The following WNT8A variants were observed in gnomAD, a reference collection of about 807,000 sequenced individuals.
WNT8A encodes the protein protein Wnt-8a.
In WNT8A, 14 loss-of-function variants were observed where a neutral mutation model predicts 20.5. The observed-to-expected ratio is 0.68, with a 90% CI of 0.45 to 1.07. The LOEUF is 1.07. WNT8A is among the 50% of genes least tolerant of loss of function. WNT8A has a pLI of 0.00. For missense variants in WNT8A, 397 were observed against 462.9 expected (o/e 0.86, Z 1.31); for synonymous variants, 167 against 169.2 (o/e 0.99, Z 0.10).
In WNT8A at chr5:138,090,987, T is replaced by C. The variant is rs888550398; in HGVS notation, c.1024T>C (p.Cys342Arg). ...CKFQWCCTVK[C>R]DQCRHVVSKY... ...ATTCCAGTGGTGCTGTACGGTCAAG[T>C]GTGACCAGTGTAGGCATGTGGTGAG... is the stretch of plus-strand genomic sequence containing the variant. Residue 342 changes from cysteine to arginine, a missense_variant, in exon 5 of 5, where the codon TGT (cysteine) becomes CGT (arginine). Physicochemically the swap from Cys to Arg is radical, Grantham distance 180. Transcript: ENST00000506684. 14 of 1,614,046 alleles carry C rather than the reference T, an allele frequency of 8.7e-6. No homozygotes were observed. Among genetic ancestry groups the C allele is most frequent in the Non-Finnish European group, 1.2e-5 (14 of 1,180,030 alleles).
the WNT8A span, among the ~76,000 whole-genome samples, chr5:138,077,877 A>G: frequency 6.6e-6 from 1 of 152,206 alleles, no homozygotes; most frequent in Non-Finnish European, 1.5e-5. Flanking sequence ...GATTGATGAA[A>G]GAAACATACT....
At chr5:138,092,143 G>A (rs1375621876), downstream of WNT8A, 1 of 152,108 alleles carries the variant, frequency 6.6e-6, no homozygotes, top group African/African-American at 2.4e-5. Flanking sequence ...ATATCCAGCT[G>A]GGACTTCTAT....
At chr5:138,085,459 C>T (rs902070779) in intron 2 of WNT8A, among the ~76,000 whole-genome samples, 2 of 152,094 alleles carry the variant, frequency 1.3e-5, no homozygotes, top group Non-Finnish European at 2.9e-5. Flanking sequence ...TGGGTGTGCA[C>T]GTGCACCCAT....
Position 138,089,061 on chromosome 5 carries a change from G to A in WNT8A, c.556G>A (p.Gly186Ser), listed in dbSNP as rs753649503. Residue 186 changes from glycine (G) to serine (S), a missense_variant, in exon 4 of 5, where the codon GGC becomes AGC. Physicochemically the swap from Gly to Ser is moderately conservative, Grantham distance 56. Coordinates refer to ENST00000506684, the MANE Select transcript of WNT8A (RefSeq NM_001300939.2). ...ALMNLHNNRAGRLAVRATMKR... is the reference protein window; with the variant it reads ...ALMNLHNNRASRLAVRATMKR... Reference sequence around the variant, plus strand: ...GATGAATCTTCACAACAACAGGGCCGGCAGACTGGTGGGTATAGGCATTGT... The same window carrying A: ...GATGAATCTTCACAACAACAGGGCCAGCAGACTGGTGGGTATAGGCATTGT... 2.5e-5 allele frequency: 41 copies of A among 1,613,028 alleles called. No homozygotes were observed. The East Asian group carries it at 2.9e-4, about 11-fold the overall frequency.
intron 3 of WNT8A, 126 bp from the exon 4 acceptor site, chr5:138,088,801 C>T: frequency 7.6e-7 from 1 of 1,321,940 alleles, no homozygotes. Context: ...CCACCCCAAG[C>T]ACCTCCATTT....
At chr5:138,083,179 G>C (rs1172343686), upstream of WNT8A, among the ~76,000 whole-genome samples, 1 of 151,844 alleles carries the variant, frequency 6.6e-6, no homozygotes, top group Non-Finnish European at 1.5e-5. Context: ...TACTTGGGAG[G>C]CTGAGGTAGG....
chr5:138,084,098 C>A lies in WNT8A; in HGVS notation c.-30C>A, dbSNP rs779233057. ...CTGGGGTAGGCAGGGCGATGGGGAA[C>A]CTGTTTATGCTCTGGGCAGCTCTGG... On this transcript the variant is annotated 5_prime_UTR_variant, in exon 1 of 5. Transcript: ENST00000506684. 20 of 1,612,790 alleles carry A rather than the reference C, an allele frequency of 1.2e-5. No individual in the cohort carries two copies. Among genetic ancestry groups the A allele is most frequent in the Middle Eastern group, 1.6e-4 (1 of 6,062 alleles).
At chr5:138,085,152 C>T (rs1328891531) in intron 2 of WNT8A, among the ~76,000 whole-genome samples, 1 of 152,178 alleles carries the variant, frequency 6.6e-6, no homozygotes, top group African/African-American at 2.4e-5. Context: ...CCAGGCTGGT[C>T]TCAAACTCCT....
chr5:138,090,752 A>G lies in WNT8A; in HGVS notation c.789A>G (p.Ala263=). 6.2e-7 allele frequency: 1 copy of G among 1,614,232 alleles called. No individual in the cohort carries two copies. Among genetic ancestry groups the G allele is most frequent in the Non-Finnish European group, 8.5e-7 (1 of 1,180,038 alleles). Residue 263 remains alanine (A), a synonymous_variant, in exon 5 of 5, where the codon GCA becomes GCG. Transcript: ENST00000506684. ...WVPAEAFLPS[A]EAELIFLEES... is the part of the protein sequence containing the mutation. ...CCGCTGAGGCCTTCCTTCCTAGCGC[A>G]GAGGCGGAACTGATCTTTTTAGAGG...
intron 1 of WNT8A, 84 bp from the exon 2 acceptor site, chr5:138,084,414 C>G: frequency 3.2e-6 from 5 of 1,548,914 alleles, no homozygotes; most frequent in Non-Finnish European, 4.4e-6. Flanking sequence ...TAATGGAGAG[C>G]TGGCCCATCT....
At chr5:138,088,809 T>C in intron 3 of WNT8A, 118 bp from the exon 4 acceptor site, 1 of 1,403,240 alleles carries the variant, frequency 7.1e-7, no homozygotes, top group South Asian at 1.5e-5. Context: ...AGCACCTCCA[T>C]TTCCCTGTCT....
chr5:138,090,427 C>T, intron 4 of WNT8A, 101 bp from the exon 5 acceptor site: 2 of 1,087,532 alleles, frequency 1.8e-6, no homozygotes, highest in South Asian at 1.6e-5. Context: ...TTCTGATGCT[C>T]CTTTAAAGTC....
chr5:138,084,324 C>T (rs1290625499), intron 1 of WNT8A, 41 bp downstream of exon 1: 3 of 1,607,838 alleles, frequency 1.9e-6, no homozygotes, highest in Non-Finnish European at 1.7e-6. Flanking sequence ...CACTGAGGGC[C>T]CTAAGGGGAC....
upstream of WNT8A, among the ~76,000 whole-genome samples, chr5:138,081,169 T>C (rs1251636201): frequency 1.4e-5 from 2 of 145,560 alleles, no homozygotes; most frequent in East Asian, 2.0e-4. Flanking sequence ...GAGCTTGCAG[T>C]GAGCGGAGAT....
chr5:138,088,005 G>A, intron 3 of WNT8A, 74 bp downstream of exon 3: 1 of 1,582,076 alleles, frequency 6.3e-7, no homozygotes, highest in Non-Finnish European at 8.6e-7. Flanking sequence ...AAGTCTTCCA[G>A]AGAAAGGCTG....
In WNT8A at chr5:138,084,187, C is replaced by A; in HGVS notation, c.60C>A (p.Cys20Ter). The A allele has an allele frequency of 1.2e-6, 2 of 1,614,170 alleles. No homozygotes were observed. The highest frequency in any genetic ancestry group is 2.2e-5 in the East Asian group (1 of 44,884). Reference protein sequence around the residue: ...LVSPFPTLTPCQGGPHCLIPI... With the variant: ...LVSPFPTLTP ...GTCCTTTCCCAACCCTCACTCCTTG[C>A]CAAGGAGGCCCCCATTGTCTCATCC... Residue 20 changes from cysteine to a stop codon, truncating the protein, a stop_gained, in exon 1 of 5, where the codon TGC (cysteine) becomes TGA (stop). Coordinates refer to ENST00000506684, the MANE Select transcript of WNT8A (RefSeq NM_001300939.2). LOFTEE classifies it high-confidence loss of function.
At chr5:138,083,606 T>G (rs1025912271), upstream of WNT8A, among the ~76,000 whole-genome samples, 1 of 152,078 alleles carries the variant, frequency 6.6e-6, no homozygotes, top group Non-Finnish European at 1.5e-5. Flanking sequence ...TGGAGTTGCT[T>G]TATGATTATT....
rs200040789 is a variant in WNT8A, at chr5:138,090,499, C to G, written c.565-29C>G. The G allele has an allele frequency of 1.1e-4, 179 of 1,599,690 alleles. 4 individuals carry two copies. The Admixed American group carries it at 2.9e-3, about 26-fold the overall frequency. On this transcript the variant is annotated intron_variant, in intron 4 of 4. Transcript: ENST00000506684. ...AACCTTTGGTCTTCCCTACTCAGAG[C>G]CATTCTCTTTTGTGTTCTCTCTATG...
chr5:138,080,764 C>A (rs1750492004), upstream of WNT8A, among the ~76,000 whole-genome samples: 1 of 151,976 alleles, frequency 6.6e-6, no homozygotes, highest in Admixed American at 6.6e-5. Context: ...CCATGCCCAG[C>A]CCAGCTGGGA....
Sources: gnomAD v4.1 joint callset for allele counts (sites outside exome capture counted in the v4.1 genomes callset) on GRCh38, gnomAD v4.1.1 for gene constraint, MANE v1.5 for transcripts, NCBI Gene and HGNC (gene_info 2026-07-23, HGNC 2026-07-21) for gene names.